Variants in PLGRKT observed in about 807,000 individuals in gnomAD.
PLGRKT encodes the protein plasminogen receptor with a C-terminal lysine, also known as plasminogen receptor (KT).
In PLGRKT, 22 loss-of-function variants were observed where a neutral mutation model predicts 18.5. That is an observed-to-expected ratio of 1.19 (90% CI 0.85 to 1.70). The LOEUF (loss-of-function observed/expected upper bound fraction) is 1.70, where lower values mean the gene tolerates loss of function less well. Ranked by LOEUF, PLGRKT falls within the 40% of genes most tolerant of loss-of-function variation. The pLI is 0.00. For synonymous variants in PLGRKT, 72 were observed against 52.8 expected (o/e 1.36, Z -1.58); for missense variants, 235 against 174.4 (o/e 1.35, Z -1.96).
rs761733847 is a variant in PLGRKT, at chr9:5,361,229, C to T, written c.213-42G>A. The T allele has an allele frequency of 3.6e-6, 4 of 1,119,728 alleles. No homozygotes were observed. The Admixed American group carries it at 5.9e-5, about 16-fold the overall frequency. 69.4% of individuals were successfully genotyped at this position (1,119,728 alleles called of 1,614,324 possible). A position where few individuals can be genotyped will look rare whatever the true frequency, so the allele number is the denominator to read the frequency against. ...AAGAAGAACCAATATCAAAAAATAA[C>T]CTGTAAATACATATCTGTATACTTA... is the stretch of plus-strand genomic sequence containing the variant. On this transcript the variant is annotated intron_variant, in intron 4 of 5. Coordinates refer to ENST00000223864, the MANE Select transcript of PLGRKT (RefSeq NM_018465.4).
intron 3 of PLGRKT, among the ~76,000 whole-genome samples, chr9:5,411,542 T>G (rs1818366810): frequency 6.6e-6 from 1 of 152,148 alleles, no homozygotes; most frequent in Admixed American, 6.5e-5. Flanking sequence ...ACTGAACCAG[T>G]AAGTGATAGA....
At chr9:5,387,893 G>A (rs1176193158) in intron 3 of PLGRKT, among the ~76,000 whole-genome samples, 1 of 151,770 alleles carries the variant, frequency 6.6e-6, no homozygotes, top group Non-Finnish European at 1.5e-5. Flanking sequence ...AGGGGTCTGG[G>A]GTAGAGTGAC....
intron 3 of PLGRKT, among the ~76,000 whole-genome samples, chr9:5,374,246 A>T (rs1321032706): frequency 6.6e-6 from 1 of 152,190 alleles, no homozygotes; most frequent in Non-Finnish European, 1.5e-5. Flanking sequence ...TCCAGTTCAG[A>T]CCATCATTAC....
chr9:5,364,808 G>A (rs1025619186), intron 3 of PLGRKT, among the ~76,000 whole-genome samples: 13 of 152,268 alleles, frequency 8.5e-5, no homozygotes, highest in South Asian at 8.3e-4. Flanking sequence ...GTGGAAGCCA[G>A]GTTTCTTATT....
At chr9:5,361,016 CAGGG>C (rs1817250875) in intron 5 of PLGRKT, 58 bp downstream of exon 5, 2 of 878,156 alleles carry the variant, frequency 2.3e-6, no homozygotes, top group East Asian at 4.9e-5. Flanking sequence ...GTTCCTAAGG[CAGGG>C]ATCCTTGAAA....
chr9:5,423,645 C>T (rs1818618912), intron 3 of PLGRKT, among the ~76,000 whole-genome samples: 1 of 151,896 alleles, frequency 6.6e-6, no homozygotes, highest in South Asian at 2.1e-4. Context: ...ATTGCCAGGC[C>T]CCAGGTACCT....
At chr9:5,383,759 G>C (rs1231109917) in intron 3 of PLGRKT, among the ~76,000 whole-genome samples, 2 of 152,176 alleles carry the variant, frequency 1.3e-5, no homozygotes, top group African/African-American at 2.4e-5. Context: ...TCTGGCAGGA[G>C]GTGGAGCTCA....
intron 4 of PLGRKT, among the ~76,000 whole-genome samples, chr9:5,361,476 A>G (rs147340551): frequency 6.6e-6 from 1 of 152,128 alleles, no homozygotes; most frequent in Non-Finnish European, 1.5e-5. Flanking sequence ...CCACTAAGGG[A>G]TTGTGGAGAT....
intron 3 of PLGRKT, among the ~76,000 whole-genome samples, chr9:5,363,828 T>C (rs1281576708): frequency 6.6e-6 from 1 of 152,134 alleles, no homozygotes; most frequent in African/African-American, 2.4e-5. Context: ...CTAGAAGTAA[T>C]TGAGTAACTT....
At position 5,418,767 on chromosome 9, in the gene PLGRKT, G is replaced by T. The variant is rs577473313; in HGVS notation, c.81+13130C>A. 3 of 732,282 alleles carry T rather than the reference G, an allele frequency of 4.1e-6. No individual in the cohort carries two copies. Among genetic ancestry groups the T allele is most frequent in the Non-Finnish European group, 4.8e-6 (2 of 414,936 alleles). 45.4% of individuals were successfully genotyped at this position (732,282 alleles called of 1,614,324 possible). On this transcript the variant is annotated intron_variant, in intron 3 of 5. Transcript: ENST00000223864. This position sits in a 1 kb window ranked among gnomAD's most constrained non-coding sequence, Gnocchi z 4.2. ...TGATGACAGCCAGGACCTCGGGGTC[G>T]TCGAGGAGCTGCGACACGGAGAAGT...
intron 3 of PLGRKT, among the ~76,000 whole-genome samples, chr9:5,409,360 C>T (rs116115864): frequency 2.0e-5 from 3 of 152,212 alleles, no homozygotes; most frequent in Admixed American, 6.5e-5. Flanking sequence ...AAAGGTTAGA[C>T]TGGCGTAGCC....
intron 2 of PLGRKT, among the ~76,000 whole-genome samples, chr9:5,434,608 A>G (rs1487762611): frequency 7.1e-6 from 1 of 140,382 alleles, no homozygotes; most frequent in Non-Finnish European, 1.5e-5. Context: ...CCCCTCTGGG[A>G]GGTGGGGAGC....
At chr9:5,428,722 G>A (rs1943863935) in intron 3 of PLGRKT, among the ~76,000 whole-genome samples, 1 of 152,152 alleles carries the variant, frequency 6.6e-6, no homozygotes, top group South Asian at 2.1e-4. Context: ...TTTTGAGATA[G>A]GGTCTCGCTC....
intron 3 of PLGRKT, chr9:5,381,902 G>A (rs1054942315): frequency 1.0e-6 from 1 of 984,736 alleles, no homozygotes; most frequent in African/African-American, 1.7e-5. Flanking sequence ...ATCACAGAGG[G>A]ACCACATCAT....
At chr9:5,403,626 T>G (rs963640744) in intron 3 of PLGRKT, among the ~76,000 whole-genome samples, 1 of 152,222 alleles carries the variant, frequency 6.6e-6, no homozygotes, top group African/African-American at 2.4e-5. Flanking sequence ...AAGAAAACAA[T>G]ATCACCGTAT....
At chr9:5,433,353 G>C (rs1395554426) in intron 2 of PLGRKT, among the ~76,000 whole-genome samples, 1 of 150,674 alleles carries the variant, frequency 6.6e-6, no homozygotes, top group Non-Finnish European at 1.5e-5. Context: ...CCATCGTCTG[G>C]GGTGTGAGGA....
intron 3 of PLGRKT, chr9:5,381,749 G>T: frequency 3.5e-6 from 1 of 284,802 alleles, no homozygotes; most frequent in Non-Finnish European, 5.3e-6. Context: ...TTCACTTGTT[G>T]CCTCTGTGTA....
chr9:5,410,438 G>T (rs148014213), intron 3 of PLGRKT, among the ~76,000 whole-genome samples: 26 of 150,182 alleles, frequency 1.7e-4, no homozygotes, highest in East Asian at 1.2e-3. Flanking sequence ...GTTGCAGTGA[G>T]CAGTGGGCCA....
At chr9:5,361,575 C>T (rs1057061088) in intron 4 of PLGRKT, among the ~76,000 whole-genome samples, 183 bp downstream of exon 4, 5 of 152,204 alleles carry the variant, frequency 3.3e-5, no homozygotes, top group South Asian at 2.1e-4. Flanking sequence ...ACCTAGGAAA[C>T]TAAATTAACT....
Sources: gnomAD v4.1 joint callset for allele counts (sites outside exome capture counted in the v4.1 genomes callset) on GRCh38, gnomAD v4.1.1 for gene constraint, Gnocchi (gnomAD v3.1) non-coding constraint, MANE v1.5 for transcripts, NCBI Gene and HGNC (gene_info 2026-07-23, HGNC 2026-07-21) for gene names.